The following CCL26 variants were observed in gnomAD, a reference collection of about 807,000 sequenced individuals.
CCL26 encodes C-C motif chemokine 26.
In CCL26, 10 loss-of-function variants were observed where a neutral mutation model predicts 10.7. The ratio of observed to expected loss-of-function variants is 0.93; its 90% confidence interval spans 0.57 to 1.58. The LOEUF (loss-of-function observed/expected upper bound fraction) is 1.58, where lower values mean the gene tolerates loss of function less well. Among genes scored for constraint, CCL26 ranks in the 40% most tolerant of loss-of-function variants. The pLI is 0.00. For synonymous variants in CCL26, 43 were observed against 41.4 expected (o/e 1.04, Z -0.15); for missense variants, 116 against 111.0 (o/e 1.05, Z -0.20).
At chr7:75,776,623 GAAAA>G (rs1303908907), upstream of CCL26, among the ~76,000 whole-genome samples, 1 of 151,290 alleles carries the variant, frequency 6.6e-6, no homozygotes, top group African/African-American at 2.4e-5. Flanking sequence ...AAGAAGGAAA[GAAAA>G]AAAGAAAGAT....
chr7:75,787,928 G>A (rs781866779), intron 1 of CCL26, among the ~76,000 whole-genome samples: 4 of 151,850 alleles, frequency 2.6e-5, no homozygotes, highest in Admixed American at 6.6e-5. Flanking sequence ...TTCACCAATC[G>A]TTTTATATGA....
At chr7:75,784,791 C>T (rs1486978020) in intron 1 of CCL26, among the ~76,000 whole-genome samples, 1 of 152,056 alleles carries the variant, frequency 6.6e-6, no homozygotes, top group Non-Finnish European at 1.5e-5. Context: ...CACATCCTCC[C>T]CTTGTATCTC....
chr7:75,772,416 G>C (rs771579831), upstream of CCL26, among the ~76,000 whole-genome samples: 24 of 152,164 alleles, frequency 1.6e-4, no homozygotes, highest in Admixed American at 3.3e-4. Flanking sequence ...CAGCACTCTG[G>C]GAGACCGAGG....
chr7:75,784,915 C>G (rs956579494), intron 1 of CCL26, among the ~76,000 whole-genome samples: 25 of 152,162 alleles, frequency 1.6e-4, no homozygotes, highest in African/African-American at 5.6e-4. Context: ...ACGGCAATAT[C>G]CCATCTCACA....
upstream of CCL26, among the ~76,000 whole-genome samples, chr7:75,776,585 A>G (rs1182759514): frequency 1.3e-5 from 2 of 148,786 alleles, no homozygotes; most frequent in South Asian, 2.1e-4. Flanking sequence ...AGGAAGGAAG[A>G]AGGAAAGCAA....
chr7:75,774,902 C>G (rs192579193), upstream of CCL26, among the ~76,000 whole-genome samples: 1 of 149,956 alleles, frequency 6.7e-6, no homozygotes. Context: ...CCTAGGTGAC[C>G]GAGCAAGACT....
intron 1 of CCL26, among the ~76,000 whole-genome samples, chr7:75,782,087 G>A (rs1181808794): frequency 6.6e-6 from 1 of 152,082 alleles, no homozygotes; most frequent in Non-Finnish European, 1.5e-5. Context: ...TGGGTAAGTG[G>A]CCTCTTTTTA....
At position 75,777,721 on chromosome 7, in the gene CCL26, GAAAA is replaced by G. The variant is rs60039632; in HGVS notation, c.-78-5471_-78-5468del. ...CCCAACAGAGTGAGATCCTGTCTCA[GAAAA>G]AAAAAAAAAAAAAAAAAGCAGCAGC... On this transcript the variant is annotated intron_variant, in intron 1 of 3. Transcript: ENST00000394905. Among the ~76,000 whole-genome samples, 56 of 60,552 alleles carry G rather than the reference GAAAA, an allele frequency of 9.2e-4. 1 individual carries two copies. The Admixed American group carries it at 9.3e-3, about 10-fold the overall frequency. The allele number at this position is 60,552 out of a possible 152,430, so 39.7% of individuals were successfully genotyped here.
intron 1 of CCL26, among the ~76,000 whole-genome samples, chr7:75,778,847 G>T (rs572372312): frequency 2.6e-4 from 36 of 137,746 alleles, no homozygotes; most frequent in Non-Finnish European, 4.7e-4. Context: ...GGAGGCCAAG[G>T]TGGGGGGGGC....
chr7:75,790,214 TCTTTCTTCCTTC>T (rs1186606504), upstream of CCL26, among the ~76,000 whole-genome samples: 967 of 90,390 alleles, frequency 0.011, 20 homozygotes, highest in South Asian at 0.05. Flanking sequence ...TTTCTTTCTT[TCTTTCTTCCTTC>T]CTTCCTTCCT....
chr7:75,776,068 CTTTTTTTTTTTTT>C (rs534170968), upstream of CCL26, among the ~76,000 whole-genome samples: 1 of 99,648 alleles, frequency 1.0e-5, no homozygotes, highest in East Asian at 3.1e-4. Context: ...AGTTCACACT[CTTTTTTTTTTTTT>C]TTTTTTTTGA....
intron 1 of CCL26, among the ~76,000 whole-genome samples, chr7:75,780,975 G>T (rs1359160712): frequency 1.3e-5 from 2 of 152,282 alleles, no homozygotes; most frequent in East Asian, 1.9e-4. Flanking sequence ...TAAAGGCATA[G>T]TCAAGGTTAA....
upstream of CCL26, among the ~76,000 whole-genome samples, chr7:75,776,157 C>T (rs555368886): frequency 1.0e-3 from 157 of 151,170 alleles, no homozygotes; most frequent in African/African-American, 3.6e-3. Context: ...CTGCAATCTC[C>T]GCCTCCCAGG....
chr7:75,786,151 A>T (rs11771913), intron 1 of CCL26, among the ~76,000 whole-genome samples: 1 of 151,994 alleles, frequency 6.6e-6, no homozygotes, highest in Non-Finnish European at 1.5e-5. Flanking sequence ...CCAGACTTCA[A>T]TCCGGCCTCC....
At chr7:75,781,895 C>A (rs1217978986) in intron 1 of CCL26, among the ~76,000 whole-genome samples, 4 of 152,190 alleles carry the variant, frequency 2.6e-5, no homozygotes, top group African/African-American at 9.7e-5. Flanking sequence ...GTTGCTCACA[C>A]AAAGCCTGTT....
chr7:75,781,352 C>G (rs1432814396), intron 1 of CCL26, among the ~76,000 whole-genome samples: 2 of 152,226 alleles, frequency 1.3e-5, no homozygotes, highest in African/African-American at 4.8e-5. Context: ...CTCCAGCACA[C>G]AAGAACTTCC....
chr7:75,771,593 G>A (rs1374640752), intron 2 of CCL26, among the ~76,000 whole-genome samples: 19 of 152,186 alleles, frequency 1.2e-4, no homozygotes, highest in African/African-American at 4.1e-4. Context: ...GCATGTGCCT[G>A]TAATTCCAGC....
At chr7:75,788,334 C>G (rs1220449429) in intron 1 of CCL26, among the ~76,000 whole-genome samples, 1 of 152,044 alleles carries the variant, frequency 6.6e-6, no homozygotes, top group African/African-American at 2.4e-5. Context: ...CATCCTGGCT[C>G]AAAAGCTCCC....
chr7:75,775,443 C>T (rs7787623), upstream of CCL26, among the ~76,000 whole-genome samples: 44,853 of 151,900 alleles, frequency 0.3, 7,253 homozygotes, highest in African/African-American at 0.43. Context: ...GGTGATTCCA[C>T]GGGAGCCCCA....
Sources: gnomAD v4.1 joint callset for allele counts (sites outside exome capture counted in the v4.1 genomes callset) on GRCh38, gnomAD v4.1.1 for gene constraint, MANE v1.5 for transcripts, NCBI Gene and HGNC (gene_info 2026-07-23, HGNC 2026-07-21) for gene names.